Variants in KCNN2 observed in about 807,000 individuals in gnomAD.
The protein encoded by KCNN2 is small conductance calcium-activated potassium channel protein 2.
In KCNN2, 24 loss-of-function variants were observed where a neutral mutation model predicts 55.5. That is an observed-to-expected ratio of 0.43 (90% CI 0.31 to 0.61). The LOEUF is 0.61. KCNN2 is among the 20% of genes least tolerant of loss of function. The probability of loss-of-function intolerance (pLI) is 0.08; values close to 1 mark genes in which losing one functional copy is unlikely to be tolerated. For missense variants in KCNN2, 754 were observed against 853.6 expected (o/e 0.88, Z 1.45); for synonymous variants, 431 against 336.1 (o/e 1.28, Z -3.09).
intron 2 of KCNN2, among the ~76,000 whole-genome samples, chr5:114,331,592 T>G (rs1475305971): frequency 2.0e-5 from 3 of 152,220 alleles, no homozygotes; most frequent in African/African-American, 7.2e-5. Flanking sequence ...GCATAAATAA[T>G]CTACCTAAGA....
chr5:114,398,347 GT>G (rs1419664950), intron 2 of KCNN2, among the ~76,000 whole-genome samples: 1 of 152,122 alleles, frequency 6.6e-6, no homozygotes, highest in African/African-American at 2.4e-5. Context: ...GTCGCATTAT[GT>G]CTGCACTCTG....
intron 3 of KCNN2, among the ~76,000 whole-genome samples, chr5:114,418,256 A>G (rs1414703522): frequency 6.6e-6 from 1 of 152,234 alleles, no homozygotes; most frequent in Non-Finnish European, 1.5e-5. Context: ...CATTAATTTA[A>G]AATTTCTGTG....
At chr5:114,150,150 G>T (rs1028167237) in intron 1 of KCNN2, among the ~76,000 whole-genome samples, 1 of 152,154 alleles carries the variant, frequency 6.6e-6, no homozygotes, top group East Asian at 1.9e-4. Context: ...ATAGTCCTGC[G>T]TGCAACTTTG....
intron 1 of KCNN2, among the ~76,000 whole-genome samples, chr5:114,189,850 A>T (rs987462331): frequency 1.3e-5 from 2 of 152,152 alleles, no homozygotes; most frequent in Non-Finnish European, 2.9e-5. Flanking sequence ...TCAGTAGGGG[A>T]TAAAGTGGTG....
At position 114,213,968 on chromosome 5, in the gene KCNN2, A is replaced by G. The variant is rs1486204612; in HGVS notation, c.-270-7512A>G. On this transcript the variant is annotated intron_variant, in intron 1 of 10. Transcript: ENST00000512097. Reference sequence around the variant, plus strand: ...CAACACTAACATTTATTGAGTGTTTACCCAGCCCTGAGCTAAGTGCTTCAC... The same window carrying G: ...CAACACTAACATTTATTGAGTGTTTGCCCAGCCCTGAGCTAAGTGCTTCAC... Among the ~76,000 whole-genome samples, 5 of 151,982 alleles carry G rather than the reference A, an allele frequency of 3.3e-5. No homozygotes were observed. In the East Asian group the frequency reaches 9.6e-4, roughly 29 times the overall value.
intron 2 of KCNN2, among the ~76,000 whole-genome samples, chr5:114,292,602 G>A (rs1755918129): frequency 6.6e-6 from 1 of 152,186 alleles, no homozygotes; most frequent in South Asian, 2.1e-4. Context: ...TAGCCTTGTA[G>A]TATAGTTTGA....
rs79615978 is a variant in KCNN2, at chr5:114,129,228, T to A, written c.-271+72728T>A. 2.6e-3 allele frequency among the ~76,000 whole-genome samples: 400 copies of A among 152,296 alleles called. 1 individual carries two copies. The highest frequency in any genetic ancestry group is 8.8e-3 in the African/African-American group (367 of 41,554). ...TTCTCCCTTAACTCCTGCTGTAGCT[T>A]TCCATTAGCCAAACCCAGCTGGTAT... On this transcript the variant is annotated intron_variant, in intron 1 of 10. Coordinates refer to the KCNN2 transcript ENST00000512097.
intron 6 of KCNN2, chr5:114,490,709 G>C (rs1185606285): frequency 2.5e-6 from 1 of 397,974 alleles, no homozygotes; most frequent in Non-Finnish European, 4.4e-6. Flanking sequence ...AGTAAGTTGT[G>C]TGAGCCGCTC....
At chr5:114,063,130 G>A (rs561208432) in intron 1 of KCNN2, among the ~76,000 whole-genome samples, 9 of 152,276 alleles carry the variant, frequency 5.9e-5, no homozygotes, top group African/African-American at 2.2e-4. Flanking sequence ...GCAGGCAGCT[G>A]TGCTCAGCTC....
intron 1 of KCNN2, among the ~76,000 whole-genome samples, chr5:114,155,653 T>C (rs1752616026): frequency 1.3e-5 from 2 of 152,234 alleles, no homozygotes; most frequent in South Asian, 4.1e-4. Context: ...GTTGAGCTTT[T>C]ATTATGATTG....
At chr5:114,334,157 G>A (rs1012770893) in intron 2 of KCNN2, among the ~76,000 whole-genome samples, 2 of 151,982 alleles carry the variant, frequency 1.3e-5, no homozygotes, top group Non-Finnish European at 2.9e-5. Context: ...TAATGGATTA[G>A]TTATTATTTT....
intron 2 of KCNN2, among the ~76,000 whole-genome samples, chr5:114,285,133 A>T (rs1478829052): frequency 2.0e-5 from 3 of 151,370 alleles, no homozygotes; most frequent in African/African-American, 7.3e-5. Flanking sequence ...AATGTAAAAA[A>T]ATTAGCCGGG....
intron 2 of KCNN2, among the ~76,000 whole-genome samples, chr5:114,379,828 A>G (rs1277335272): frequency 6.9e-6 from 1 of 144,984 alleles, no homozygotes; most frequent in Non-Finnish European, 1.5e-5. Context: ...TATTTATAGA[A>G]TATATTATAT....
At chr5:114,264,952 A>G (rs900819907) in intron 2 of KCNN2, among the ~76,000 whole-genome samples, 3 of 152,244 alleles carry the variant, frequency 2.0e-5, no homozygotes, top group Admixed American at 1.3e-4. Context: ...AACTCAGCAT[A>G]TGAGTCCTTT....
chr5:114,373,749 G>A (rs1474686191), intron 2 of KCNN2, among the ~76,000 whole-genome samples: 1 of 145,888 alleles, frequency 6.9e-6, no homozygotes, highest in Non-Finnish European at 1.5e-5. Context: ...TTGTTGGGGT[G>A]GAAGGGGAGG....
intron 2 of KCNN2, among the ~76,000 whole-genome samples, chr5:114,378,301 A>G (rs1293770776): frequency 6.6e-6 from 1 of 152,220 alleles, no homozygotes; most frequent in East Asian, 1.9e-4. Context: ...AAAATGAAAA[A>G]TATTTGCTTT....
intron 3 of KCNN2, among the ~76,000 whole-genome samples, chr5:114,431,741 G>A (rs1022017148): frequency 2.6e-5 from 4 of 151,918 alleles, no homozygotes; most frequent in Middle Eastern, 3.2e-3. Flanking sequence ...TCCAAGTACT[G>A]CTTTTGGTGT....
chr5:114,183,765 G>A (rs568813180), intron 1 of KCNN2, among the ~76,000 whole-genome samples: 1 of 151,522 alleles, frequency 6.6e-6, no homozygotes, highest in African/African-American at 2.4e-5. Flanking sequence ...GACTAGTTAG[G>A]GATTCAGAAT....
intron 3 of KCNN2, among the ~76,000 whole-genome samples, chr5:114,454,401 CGGTAAG>C (rs1250579816): frequency 8.5e-5 from 13 of 152,164 alleles, no homozygotes; most frequent in African/African-American, 2.9e-4. Flanking sequence ...GTTGGAAGCT[CGGTAAG>C]GGTAAGGGTT....
Sources: gnomAD v4.1 joint callset for allele counts (sites outside exome capture counted in the v4.1 genomes callset) on GRCh38, gnomAD v4.1.1 for gene constraint, MANE v1.5 for transcripts, NCBI Gene and HGNC (gene_info 2026-07-23, HGNC 2026-07-21) for gene names.